Variants in ASB5 observed in about 807,000 individuals in gnomAD.
ASB5 encodes the protein ankyrin repeat and SOCS box containing 5, also known as ankyrin repeat and SOCS box protein 5.
In ASB5, 45 loss-of-function variants were observed where a neutral mutation model predicts 42.1. That is an observed-to-expected ratio of 1.07 (90% CI 0.84 to 1.37). The LOEUF is 1.37. Ranked by LOEUF, ASB5 falls within the 40% of genes most tolerant of loss-of-function variation. The pLI is 0.00. For synonymous variants in ASB5, 147 were observed against 150.6 expected, an observed-to-expected ratio of 0.98 and a Z score of 0.18; for missense variants, 402 against 399.8, an observed-to-expected ratio of 1.01 and a Z score of -0.05.
chr4:176,258,256 T>C (rs1351878606), intron 1 of ASB5, among the ~76,000 whole-genome samples: 1 of 152,032 alleles, frequency 6.6e-6, no homozygotes, highest in African/African-American at 2.4e-5. Flanking sequence ...AATACCTCCA[T>C]TAAACTGAGA....
chr4:176,269,898 T>G (rs1462116372), upstream of ASB5, among the ~76,000 whole-genome samples: 1 of 152,146 alleles, frequency 6.6e-6, no homozygotes. Context: ...AGAGGAAGCA[T>G]GTAAACCTGG....
At chr4:176,266,549 A>G (rs1019261878) in intron 1 of ASB5, among the ~76,000 whole-genome samples, 1 of 152,162 alleles carries the variant, frequency 6.6e-6, no homozygotes, top group Admixed American at 6.5e-5. Context: ...GGCAAGAAAG[A>G]ATGAATGCTT....
At chr4:176,231,336 A>G (rs1359992394) in intron 1 of ASB5, among the ~76,000 whole-genome samples, 1 of 152,094 alleles carries the variant, frequency 6.6e-6, no homozygotes, top group Non-Finnish European at 1.5e-5. Flanking sequence ...GTCGGCCTCC[A>G]AAAAGAAAAA....
At chr4:176,216,762 T>C (rs1280241525) in intron 6 of ASB5, 56 bp downstream of exon 6, 2 of 1,407,376 alleles carry the variant, frequency 1.4e-6, no homozygotes, top group Non-Finnish European at 9.6e-7. Context: ...CTCACTTTCA[T>C]CTATTTTAGG....
chr4:176,213,693 A>G lies in ASB5; in HGVS notation c.*1907T>C, dbSNP rs1006024538. On this transcript the variant is annotated 3_prime_UTR_variant, in exon 7 of 7. Transcript: ENST00000296525. ...AAGTGTTTTATTCCAATGAATAATA[A>G]TCACACTTTAATATAATAACAAACA... 1 of 152,090 alleles carries G rather than the reference A, an allele frequency of 6.6e-6. No homozygotes were observed. The highest frequency in any genetic ancestry group is 1.5e-5 in the Non-Finnish European group (1 of 67,960). 9.4% of individuals were successfully genotyped at this position (152,090 alleles called of 1,614,324 possible).
At chr4:176,261,351 T>C (rs888959400) in intron 1 of ASB5, among the ~76,000 whole-genome samples, 3 of 152,242 alleles carry the variant, frequency 2.0e-5, no homozygotes, top group Admixed American at 6.5e-5. Context: ...TTTCCGTCAT[T>C]AGCTAGCGAC....
intron 1 of ASB5, among the ~76,000 whole-genome samples, chr4:176,258,950 A>C (rs1754206417): frequency 6.6e-6 from 1 of 152,108 alleles, no homozygotes; most frequent in Non-Finnish European, 1.5e-5. Flanking sequence ...TTGTTTTGGG[A>C]CTTAATGTTC....
At chr4:176,264,982 C>T (rs1046532638) in intron 1 of ASB5, among the ~76,000 whole-genome samples, 2 of 151,980 alleles carry the variant, frequency 1.3e-5, no homozygotes, top group East Asian at 1.9e-4. Flanking sequence ...ATGGCAAGGT[C>T]GTAACTGGTC....
chr4:176,250,083 A>T (rs1754003649), intron 1 of ASB5, among the ~76,000 whole-genome samples: 1 of 150,880 alleles, frequency 6.6e-6, no homozygotes, highest in South Asian at 2.1e-4. Flanking sequence ...AAAAAAAAAG[A>T]AAAAGAAAAA....
chr4:176,225,491 A>C lies in ASB5; in HGVS notation c.197-150T>G, dbSNP rs868355382. On this transcript the variant is annotated intron_variant, in intron 1 of 6. Transcript: ENST00000296525. The stretch of plus-strand genomic sequence containing the variant: ...CAGATACTTATACTGTACATTAGGA[A>C]ATTTGACTCTTATTGCAGGAACCAG... The C allele has an allele frequency of 9.5e-6, 6 of 629,954 alleles. No homozygotes were observed. In the Middle Eastern group the frequency reaches 1.9e-3, roughly 199 times the overall value. The allele number at this position is 629,954 out of a possible 1,614,324, so 39.0% of individuals were successfully genotyped here. A position where few individuals can be genotyped will look rare whatever the true frequency, so the allele number is the denominator to read the frequency against.
chr4:176,265,662 T>G (rs547138101), intron 1 of ASB5, among the ~76,000 whole-genome samples: 1 of 152,334 alleles, frequency 6.6e-6, no homozygotes, highest in African/African-American at 2.4e-5. Context: ...TCAAGAAGTT[T>G]ATGGCTTCTT....
chr4:176,232,784 C>T (rs1173857144), intron 1 of ASB5, among the ~76,000 whole-genome samples: 2 of 152,148 alleles, frequency 1.3e-5, no homozygotes, highest in African/African-American at 4.8e-5. Context: ...ACTAGCTATT[C>T]CTTTTTCACT....
intron 1 of ASB5, among the ~76,000 whole-genome samples, chr4:176,245,822 C>G (rs950964801): frequency 6.6e-6 from 1 of 152,106 alleles, no homozygotes; most frequent in South Asian, 2.1e-4. Context: ...ACCGCATATT[C>G]TTATTCTTCG....
At chr4:176,249,905 AAC>A (rs1753993509) in intron 1 of ASB5, among the ~76,000 whole-genome samples, 1 of 144,532 alleles carries the variant, frequency 6.9e-6, no homozygotes, top group Non-Finnish European at 1.6e-5. Context: ...CTCTACTAAA[AAC>A]ACAAAAAATT....
In ASB5 at chr4:176,231,138, G is replaced by T. The variant is rs367730987; in HGVS notation, c.197-5797C>A. 2.6e-5 allele frequency among the ~76,000 whole-genome samples: 4 copies of T among 151,900 alleles called. No individual in the cohort carries two copies. The East Asian group carries it at 7.7e-4, about 29-fold the overall frequency. On this transcript the variant is annotated intron_variant, in intron 1 of 6. Transcript: ENST00000296525. Reference sequence around the variant, plus strand: ...AACACTCACATTTTTATATCTATGCGATTTTGTAAGGTTTGATACCATACC... The same window carrying T: ...AACACTCACATTTTTATATCTATGCTATTTTGTAAGGTTTGATACCATACC...
chr4:176,228,096 T>C (rs1217373087), intron 1 of ASB5, among the ~76,000 whole-genome samples: 1 of 152,234 alleles, frequency 6.6e-6, no homozygotes, highest in African/African-American at 2.4e-5. Flanking sequence ...AGGCTAACTA[T>C]GATTCGAAGT....
chr4:176,265,439 G>T (rs1326070574), intron 1 of ASB5, among the ~76,000 whole-genome samples: 1 of 152,174 alleles, frequency 6.6e-6, no homozygotes, highest in African/African-American at 2.4e-5. Flanking sequence ...CAATTAGAAT[G>T]TAAACTTAAG....
intron 1 of ASB5, among the ~76,000 whole-genome samples, chr4:176,238,622 C>T (rs1753745651): frequency 6.6e-6 from 1 of 152,076 alleles, no homozygotes. Context: ...ATCTGTCTTG[C>T]TGAAATATGG....
At position 176,222,368 on chromosome 4, in the gene ASB5, G is replaced by A. The variant is rs553605089; in HGVS notation, c.329C>T (p.Ala110Val). Residue 110 changes from alanine (A) to valine (V), a missense_variant, in exon 3 of 7, where the codon GCC becomes GTC. Transcript: ENST00000296525. The stretch of plus-strand genomic sequence containing the variant: ...ACATGCCACGTGATCTCCAAGGCAG[G>A]CTTCGTGCAATGGGGTGACATGGTC... ...TLDHVTPLHE[A>V]CLGDHVACAR... The A allele has an allele frequency of 1.9e-6, 3 of 1,614,018 alleles. No homozygotes were observed. The African/African-American group carries it at 4.0e-5, about 22-fold the overall frequency.
Sources: gnomAD v4.1 joint callset for allele counts (sites outside exome capture counted in the v4.1 genomes callset) on GRCh38, gnomAD v4.1.1 for gene constraint, MANE v1.5 for transcripts, NCBI Gene and HGNC (gene_info 2026-07-23, HGNC 2026-07-21) for gene names.